Variants in FER observed in about 807,000 individuals in gnomAD.
The protein encoded by FER is FER tyrosine kinase, also known as tyrosine-protein kinase Fer.
Under a neutral mutation model 111.0 loss-of-function variants are expected in FER, and 63 were observed. The observed-to-expected ratio is 0.57, with a 90% confidence interval of 0.46 to 0.70. FER has a LOEUF of 0.70. Among genes scored for constraint, FER ranks in the 30% least tolerant of loss-of-function variants. FER has a pLI of 0.00. For missense variants in FER, 914 were observed against 954.0 expected (o/e 0.96, Z 0.55); for synonymous variants, 327 against 313.9 (o/e 1.04, Z -0.44).
chr5:108,906,376 A>T (rs1750764154), intron 10 of FER, among the ~76,000 whole-genome samples: 1 of 152,156 alleles, frequency 6.6e-6, no homozygotes, highest in South Asian at 2.1e-4. Flanking sequence ...TTTAGATGAT[A>T]GGTAAGCATG....
chr5:108,805,331 T>C (rs1428706572), intron 3 of FER, among the ~76,000 whole-genome samples: 2 of 152,204 alleles, frequency 1.3e-5, no homozygotes, highest in Non-Finnish European at 2.9e-5. Flanking sequence ...AACTGTAAGT[T>C]CAGTTAAATC....
At chr5:108,901,060 CT>C (rs1011165580) in intron 10 of FER, among the ~76,000 whole-genome samples, 3 of 152,028 alleles carry the variant, frequency 2.0e-5, no homozygotes, top group South Asian at 4.2e-4. Flanking sequence ...TTTGGCTCCC[CT>C]TTACCTCTTT....
chr5:109,108,706 T>G (rs911883543), intron 17 of FER, among the ~76,000 whole-genome samples: 4 of 152,170 alleles, frequency 2.6e-5, no homozygotes, highest in Non-Finnish European at 4.4e-5. Context: ...CAAACCTGAT[T>G]TATGATAAAG....
chr5:108,888,918 T>C (rs942644679), intron 9 of FER, among the ~76,000 whole-genome samples: 7 of 151,872 alleles, frequency 4.6e-5, no homozygotes, highest in Non-Finnish European at 1.0e-4. Context: ...TAAAAACCAC[T>C]AAAAATCAAA....
chr5:108,993,610 A>AGAGGGC (rs1477517812), intron 13 of FER, among the ~76,000 whole-genome samples: 3,026 of 107,418 alleles, frequency 0.028, 110 homozygotes, highest in African/African-American at 0.11. Flanking sequence ...AGGGCGAGGG[A>AGAGGGC]GAGGGCAAGG....
Position 108,872,030 on chromosome 5 carries a change from A to G in FER, c.804-63A>G, listed in dbSNP as rs987188870. The stretch of plus-strand genomic sequence containing the variant: ...AAAACAAATATTCTGCCTTTAGTGT[A>G]TATGAAGATATATTATGATACTGTA... On this transcript the variant is annotated intron_variant, in intron 7 of 19. Transcript: ENST00000281092. 10 of 1,473,102 alleles carry G rather than the reference A, an allele frequency of 6.8e-6. No individual in the cohort carries two copies. The African/African-American group carries it at 8.6e-5, about 13-fold the overall frequency. 91.3% of individuals were successfully genotyped at this position (1,473,102 alleles called of 1,614,324 possible).
At chr5:108,950,003 CAAAAGAAGCCGGCAA>C (rs976257452) in intron 11 of FER, among the ~76,000 whole-genome samples, 1 of 151,780 alleles carries the variant, frequency 6.6e-6, no homozygotes, top group Non-Finnish European at 1.5e-5. Context: ...AGTAAGGGAA[CAAAAGAAGCCGGCAA>C]AAAAGAAGTC....
intron 10 of FER, among the ~76,000 whole-genome samples, chr5:108,901,184 T>G (rs1749960849): frequency 6.7e-6 from 1 of 150,342 alleles, no homozygotes; most frequent in Non-Finnish European, 1.5e-5. Flanking sequence ...AGATGCCAGG[T>G]CTGCTAGCAC....
chr5:108,774,209 A>G (rs941066457), intron 2 of FER, among the ~76,000 whole-genome samples: 2 of 152,114 alleles, frequency 1.3e-5, no homozygotes, highest in Admixed American at 6.6e-5. Context: ...AGCTTCATCC[A>G]TGTCCCTGTA....
chr5:108,775,106 A>G (rs1236352277), intron 2 of FER, among the ~76,000 whole-genome samples: 2 of 152,162 alleles, frequency 1.3e-5, no homozygotes, highest in Non-Finnish European at 2.9e-5. Context: ...AGTTTTCTGC[A>G]TATGGCTAGC....
intron 8 of FER, 58 bp downstream of exon 8, chr5:108,872,270 T>C (rs1257451407): frequency 6.9e-7 from 1 of 1,444,076 alleles, no homozygotes; most frequent in East Asian, 2.4e-5. Flanking sequence ...GCTTTATTGT[T>C]GTACTCAGAT....
chr5:108,914,685 T>C (rs1275891207), intron 10 of FER, among the ~76,000 whole-genome samples: 2 of 152,196 alleles, frequency 1.3e-5, no homozygotes, highest in African/African-American at 4.8e-5. Context: ...GCATGTGAAA[T>C]GATACTTTGA....
intron 17 of FER, among the ~76,000 whole-genome samples, chr5:109,122,483 A>T (rs1370212755): frequency 1.3e-5 from 2 of 151,738 alleles, no homozygotes; most frequent in Admixed American, 1.3e-4. Flanking sequence ...TTTGCTTCCT[A>T]ATTTATGGTC....
chr5:108,894,243 A>C (rs1467462572), intron 9 of FER: 2 of 342,052 alleles, frequency 5.8e-6, no homozygotes, highest in East Asian at 1.6e-4. Flanking sequence ...GATCATTAGT[A>C]AACAAACAAA....
chr5:108,844,994 GTGTATA>G (rs1396242616), intron 5 of FER, among the ~76,000 whole-genome samples: 14 of 42,646 alleles, frequency 3.3e-4, no homozygotes, highest in African/African-American at 9.9e-4. Context: ...GTGTGTGTGT[GTGTATA>G]TATATATATA....
At chr5:108,901,804 A>C (rs1460167281) in intron 10 of FER, among the ~76,000 whole-genome samples, 2 of 152,138 alleles carry the variant, frequency 1.3e-5, no homozygotes, top group Non-Finnish European at 2.9e-5. Context: ...TATAAAAATT[A>C]GTCGGGTGTG....
chr5:109,086,072 C>T (rs1158067664), intron 16 of FER, among the ~76,000 whole-genome samples: 1 of 151,574 alleles, frequency 6.6e-6, no homozygotes, highest in East Asian at 1.9e-4. Flanking sequence ...GAAATATTTT[C>T]TTCTCCTTTT....
intron 17 of FER, among the ~76,000 whole-genome samples, chr5:109,167,222 T>A (rs1411428940): frequency 6.6e-6 from 1 of 152,172 alleles, no homozygotes; most frequent in Non-Finnish European, 1.5e-5. Flanking sequence ...TACATACATA[T>A]ACATGAATGA....
chr5:108,882,823 A>T (rs4560595), intron 8 of FER, among the ~76,000 whole-genome samples: 34,356 of 151,594 alleles, frequency 0.23, 4,081 homozygotes, highest in African/African-American at 0.29. Context: ...AACATAAATT[A>T]TCTGGTTTGT....
Sources: gnomAD v4.1 joint callset for allele counts (sites outside exome capture counted in the v4.1 genomes callset) on GRCh38, gnomAD v4.1.1 for gene constraint, MANE v1.5 for transcripts, NCBI Gene and HGNC (gene_info 2026-07-23, HGNC 2026-07-21) for gene names.